Variants in NHSL1 observed in about 807,000 individuals in gnomAD.
The protein encoded by NHSL1 is NHS like 1.
NHSL1 carries 48 observed loss-of-function variants against 95.0 expected under a neutral mutation model. That is an observed-to-expected ratio of 0.51 (90% confidence interval 0.40 to 0.64). The LOEUF (loss-of-function observed/expected upper bound fraction) is 0.64. Among genes scored for constraint, NHSL1 ranks in the 30% least tolerant of loss-of-function variants. The probability of loss-of-function intolerance (pLI) is 0.00; values close to 1 mark genes in which losing one functional copy is unlikely to be tolerated. For synonymous variants in NHSL1, 783 were observed against 833.9 expected, an observed-to-expected ratio of 0.94 and a Z score of 1.05; for missense variants, 1,971 against 2,077.7, an observed-to-expected ratio of 0.95 and a Z score of 1.00.
chr6:138,430,857 C>T lies in NHSL1; in HGVS notation c.3488G>A (p.Ser1163Asn). 5 of 1,551,074 alleles carry T rather than the reference C, an allele frequency of 3.2e-6. No homozygotes were observed. Among genetic ancestry groups the T allele is most frequent in the Non-Finnish European group, 2.6e-6 (3 of 1,146,846 alleles). ...CTCCCCAGCGCTTGGAGCTCCAGGG[C>T]TGCGGCTCACAGGGCCACCACGCTC... ...AAERGGPVSRSPGAPSAGEAE... is the reference protein window; with the variant it reads ...AAERGGPVSRNPGAPSAGEAE... Residue 1163 changes from serine to asparagine, a missense_variant, in exon 6 of 8, where the codon AGC (serine) becomes AAC (asparagine). Around this residue, in one of 3 missense-constraint regions of NHSL1, gnomAD observed 1,602 missense variants for 1,654.5 expected, o/e 0.97. Transcript: ENST00000343505. The surrounding 1 kb of genome is among the most constrained non-coding windows in gnomAD (Gnocchi z 4.7).
chr6:138,531,822 T>C (rs1176209812), intron 1 of NHSL1, among the ~76,000 whole-genome samples: 1 of 152,182 alleles, frequency 6.6e-6, no homozygotes, highest in Non-Finnish European at 1.5e-5. Flanking sequence ...TAATTCTTTT[T>C]CTGATATTAA....
chr6:138,605,465 A>G (rs1025839586), intron 1 of NHSL1, among the ~76,000 whole-genome samples: 5 of 152,110 alleles, frequency 3.3e-5, no homozygotes, highest in Admixed American at 3.3e-4. Context: ...ACCCCCCACA[A>G]AAAAAAGTTT....
At chr6:138,688,479 A>G (rs1785617192) in intron 1 of NHSL1, among the ~76,000 whole-genome samples, 1 of 151,840 alleles carries the variant, frequency 6.6e-6, no homozygotes, top group African/African-American at 2.4e-5. Flanking sequence ...CCCCATCTCT[A>G]CTAAAAATAC....
intron 3 of NHSL1, among the ~76,000 whole-genome samples, chr6:138,464,715 C>CTTTTTTTTTTTTTTTTTTTT (rs1157342436): frequency 8.4e-6 from 1 of 119,024 alleles, no homozygotes; most frequent in African/African-American, 3.5e-5. Flanking sequence ...TTTTTCTTTT[C>CTTTTTTTTTTTTTTTTTTTT]TTTTTTTTTT....
chr6:138,485,527 T>G (rs1779674976), intron 2 of NHSL1, among the ~76,000 whole-genome samples: 1 of 152,028 alleles, frequency 6.6e-6, no homozygotes, highest in African/African-American at 2.4e-5. Flanking sequence ...GATTGTTCAT[T>G]TTTCCTTTGC....
intron 3 of NHSL1, among the ~76,000 whole-genome samples, chr6:138,468,702 G>A (rs1002410497): frequency 5.3e-5 from 8 of 152,170 alleles, no homozygotes; most frequent in African/African-American, 1.7e-4. Context: ...AAAGCTGGGG[G>A]CCACTGGGCT....
At chr6:138,587,043 G>A (rs920875619) in intron 1 of NHSL1, among the ~76,000 whole-genome samples, 2 of 151,884 alleles carry the variant, frequency 1.3e-5, no homozygotes, top group African/African-American at 2.4e-5. Context: ...TACAATCTCC[G>A]CTCACTGCAA....
chr6:138,535,532 C>A (rs1362903406), intron 1 of NHSL1, among the ~76,000 whole-genome samples: 1 of 152,124 alleles, frequency 6.6e-6, no homozygotes, highest in Non-Finnish European at 1.5e-5. Flanking sequence ...CCACTGCACT[C>A]CAGACTGGGC....
rs539782500 is a variant in NHSL1, at chr6:138,599,439, G to A, written c.96+93037C>T. Among the ~76,000 whole-genome samples, 25 of 152,170 alleles carry A rather than the reference G, an allele frequency of 1.6e-4. No individual in the cohort carries two copies. In the East Asian group the frequency reaches 4.5e-3, roughly 27 times the overall value. On this transcript the variant is annotated intron_variant, in intron 1 of 3. Coordinates refer to the NHSL1 transcript ENST00000491526. ...AGGCAGGAGAATCACCTGAATGCAG[G>A]AGACTGAGGCTGCAGTGAGCCGAGA...
At chr6:138,680,152 A>G (rs1443585829) in intron 1 of NHSL1, among the ~76,000 whole-genome samples, 2 of 152,208 alleles carry the variant, frequency 1.3e-5, no homozygotes, top group East Asian at 3.8e-4. Flanking sequence ...ACGTAATTCA[A>G]TGATTATGTG....
intron 1 of NHSL1, among the ~76,000 whole-genome samples, chr6:138,508,077 A>T (rs897403086): frequency 3.9e-4 from 60 of 152,222 alleles, no homozygotes; most frequent in Non-Finnish European, 7.1e-4. Flanking sequence ...TCAATTTCTA[A>T]ACATCTGCTA....
intron 1 of NHSL1, among the ~76,000 whole-genome samples, chr6:138,599,338 C>T (rs2114553954): frequency 6.6e-6 from 1 of 152,170 alleles, no homozygotes; most frequent in Non-Finnish European, 1.5e-5. Context: ...ATGGTGAAAG[C>T]CCATCTCTAC....
chr6:138,450,151 T>G (rs953112186), intron 3 of NHSL1, among the ~76,000 whole-genome samples: 3 of 152,148 alleles, frequency 2.0e-5, no homozygotes, highest in Admixed American at 1.3e-4. Context: ...TTGTGACACT[T>G]AAGTTTGATT....
chr6:138,668,731 C>T (rs535130900), intron 1 of NHSL1, among the ~76,000 whole-genome samples: 1 of 149,500 alleles, frequency 6.7e-6, no homozygotes, highest in African/African-American at 2.5e-5. Flanking sequence ...TTAAGCGATT[C>T]TCCTGCCTCA....
intron 1 of NHSL1, among the ~76,000 whole-genome samples, chr6:138,541,492 A>C (rs74677700): frequency 0.028 from 4,336 of 152,352 alleles, 83 homozygotes; most frequent in South Asian, 0.052. Flanking sequence ...TTTCAAAAGT[A>C]CATATTTTAG....
At position 138,563,247 on chromosome 6, in the gene NHSL1, C is replaced by T. The variant is rs60292013; in HGVS notation, c.202+8463G>A. Reference sequence around the variant, plus strand: ...ATGTAAAGTTTTAATAATAGTGTCTCGCCACGGTAAACATTCACTAAATAT... The same window carrying T: ...ATGTAAAGTTTTAATAATAGTGTCTTGCCACGGTAAACATTCACTAAATAT... On this transcript the variant is annotated intron_variant, in intron 1 of 6. Coordinates refer to the NHSL1 transcript ENST00000427025. Among the ~76,000 whole-genome samples the T allele has an allele frequency of 6.1e-3, 927 of 152,272 alleles. 11 individuals are homozygous for T. Among genetic ancestry groups the T allele is most frequent in the African/African-American group, 0.021 (876 of 41,556 alleles).
intron 1 of NHSL1, among the ~76,000 whole-genome samples, chr6:138,600,401 A>C (rs1431496145): frequency 6.6e-6 from 1 of 152,102 alleles, no homozygotes; most frequent in Admixed American, 6.5e-5. Context: ...ACCTTCCTTC[A>C]ATTTGAACTA....
intron 1 of NHSL1, among the ~76,000 whole-genome samples, chr6:138,633,623 C>A (rs578256973): frequency 2.0e-4 from 30 of 152,114 alleles, no homozygotes; most frequent in Non-Finnish European, 3.7e-4. Flanking sequence ...AATTTGTCGT[C>A]CCCAGACAAA....
intron 1 of NHSL1, chr6:138,571,681 A>G (rs1170011225): frequency 1.4e-5 from 22 of 1,545,742 alleles, no homozygotes; most frequent in Non-Finnish European, 1.6e-5. Context: ...ACTTTTTCAA[A>G]TGTTTAAATT....
Sources: allele counts gnomAD v4.1 joint callset (sites outside exome capture counted in the v4.1 genomes callset), GRCh38; gene constraint gnomAD v4.1.1; regional missense constraint gnomAD v4.1.1; non-coding constraint Gnocchi (gnomAD v3.1); transcripts MANE v1.5; gene names NCBI Gene and HGNC (gene_info 2026-07-23, HGNC 2026-07-21).